Variants in PTP4A1 observed in about 807,000 individuals in gnomAD.
PTP4A1 encodes the protein protein tyrosine phosphatase type IVA 1.
Under a neutral mutation model 20.5 loss-of-function variants are expected in PTP4A1, and 9 were observed. The observed-to-expected ratio is 0.44, with a 90% CI of 0.26 to 0.77. The LOEUF is 0.77. Ranked by LOEUF, PTP4A1 falls within the 30% of genes least tolerant of loss-of-function variation. PTP4A1 has a pLI of 0.19. For missense variants in PTP4A1, 137 were observed against 218.8 expected, an observed-to-expected ratio of 0.63 and a Z score of 2.36; for synonymous variants, 78 against 67.4, an observed-to-expected ratio of 1.16 and a Z score of -0.77.
chr6:63,560,040 C>T lies in PTP4A1; in HGVS notation c.-446+9547C>T, dbSNP rs1253406072. ...ATGAAAGACTAAGGAAGGTACCCCA[C>T]GGTAATGCATTTCATAACATATCTA... On this transcript the variant is annotated intron_variant, in intron 3 of 3. Transcript: ENST00000639568. 5.3e-5 allele frequency among the ~76,000 whole-genome samples: 8 copies of T among 152,150 alleles called. 1 individual carries two copies. The South Asian group carries it at 1.0e-3, about 20-fold the overall frequency.
At chr6:63,537,413 C>A (rs772366517) in intron 2 of PTP4A1, among the ~76,000 whole-genome samples, 7 of 152,176 alleles carry the variant, frequency 4.6e-5, no homozygotes, top group Non-Finnish European at 1.0e-4. Flanking sequence ...GAGATTTCAA[C>A]ACCAATGCCC....
intron 2 of PTP4A1, among the ~76,000 whole-genome samples, chr6:63,578,211 A>T (rs1267240787): frequency 6.6e-6 from 1 of 152,236 alleles, no homozygotes; most frequent in Non-Finnish European, 1.5e-5. Flanking sequence ...TTTCCAGTTT[A>T]TTAAAAATAT....
intron 2 of PTP4A1, among the ~76,000 whole-genome samples, chr6:63,533,172 A>G (rs1407058796): frequency 2.0e-5 from 3 of 152,212 alleles, no homozygotes; most frequent in Non-Finnish European, 4.4e-5. Flanking sequence ...ACTTGAGGTC[A>G]CGAGTTCAAT....
upstream of PTP4A1, chr6:63,521,693 T>C (rs2149471195): frequency 6.6e-6 from 1 of 152,320 alleles, no homozygotes; most frequent in Non-Finnish European, 1.5e-5. Context: ...CTGCCTCCCC[T>C]ACAGTAACTC....
chr6:63,548,903 G>A (rs918330179), intron 2 of PTP4A1: 6 of 883,168 alleles, frequency 6.8e-6, no homozygotes, highest in Admixed American at 1.7e-5. Flanking sequence ...GTATGAAGGC[G>A]ACAGTGGTGC....
intron 1 of PTP4A1, among the ~76,000 whole-genome samples, chr6:63,525,357 G>A (rs918604534): frequency 6.6e-6 from 1 of 152,134 alleles, no homozygotes; most frequent in African/African-American, 2.4e-5. Flanking sequence ...TCTGCCAATG[G>A]GGGAGCTAGA....
At chr6:63,572,852 T>G in intron 1 of PTP4A1, 133 bp downstream of exon 1, 2 of 392,560 alleles carry the variant, frequency 5.1e-6, no homozygotes, top group Non-Finnish European at 4.5e-6. Flanking sequence ...GGGTCCCGGG[T>G]GGGAGCGGGC....
At chr6:63,548,995 C>CG (rs1581927088) in intron 2 of PTP4A1, 1 of 731,520 alleles carries the variant, frequency 1.4e-6, no homozygotes, top group East Asian at 2.5e-5. Context: ...TGACACAGGG[C>CG]AGGCAAGAAG....
intron 2 of PTP4A1, among the ~76,000 whole-genome samples, chr6:63,541,121 C>T (rs1460931997): frequency 6.6e-6 from 1 of 152,150 alleles, no homozygotes; most frequent in Admixed American, 6.6e-5. Context: ...GTATAATTAA[C>T]TCAACCTGAG....
At chr6:63,517,231 C>A (rs1007115868), upstream of PTP4A1, among the ~76,000 whole-genome samples, 23 of 152,120 alleles carry the variant, frequency 1.5e-4, no homozygotes, top group African/African-American at 5.5e-4. Context: ...CCTTTCAGAC[C>A]AGTGGCATTA....
chr6:63,559,836 A>G (rs1156366786), intron 3 of PTP4A1, among the ~76,000 whole-genome samples: 3 of 152,122 alleles, frequency 2.0e-5, no homozygotes, highest in African/African-American at 4.8e-5. Context: ...AGGTTTGCCC[A>G]GGCTGGTTTC....
At chr6:63,535,014 C>T (rs942821136) in intron 2 of PTP4A1, among the ~76,000 whole-genome samples, 1 of 151,646 alleles carries the variant, frequency 6.6e-6, no homozygotes, top group Admixed American at 6.6e-5. Context: ...GAGCCAAGAT[C>T]GCATCATTGC....
chr6:63,567,660 C>T (rs1777247490), upstream of PTP4A1, among the ~76,000 whole-genome samples: 1 of 152,166 alleles, frequency 6.6e-6, no homozygotes. Context: ...CTTAAAGTCA[C>T]CAGCCACATC....
chr6:63,551,237 T>A (rs1776427378), intron 3 of PTP4A1, among the ~76,000 whole-genome samples: 1 of 151,936 alleles, frequency 6.6e-6, no homozygotes, highest in African/African-American at 2.4e-5. Flanking sequence ...GGCTAGTTTT[T>A]GTATTTTTAG....
At chr6:63,537,936 G>T (rs1775793351) in intron 2 of PTP4A1, among the ~76,000 whole-genome samples, 1 of 152,180 alleles carries the variant, frequency 6.6e-6, no homozygotes, top group Non-Finnish European at 1.5e-5. Flanking sequence ...GAGTTTAAAA[G>T]AACAGAAAAG....
At chr6:63,575,191 A>G (rs1251788140) in intron 1 of PTP4A1, among the ~76,000 whole-genome samples, 1 of 152,226 alleles carries the variant, frequency 6.6e-6, no homozygotes, top group Non-Finnish European at 1.5e-5. Context: ...TTTAATTTTA[A>G]GACTTCAAAT....
At chr6:63,562,292 C>T (rs571564409) in intron 3 of PTP4A1, among the ~76,000 whole-genome samples, 14 of 151,634 alleles carry the variant, frequency 9.2e-5, no homozygotes, top group African/African-American at 2.7e-4. Flanking sequence ...CTTCGCCTCC[C>T]GGGTTCAAGT....
chr6:63,564,000 A>C (rs1433846351), intron 3 of PTP4A1, among the ~76,000 whole-genome samples: 1 of 152,046 alleles, frequency 6.6e-6, no homozygotes. Flanking sequence ...AACTATATTT[A>C]ATGGTGGCTC....
intron 2 of PTP4A1, among the ~76,000 whole-genome samples, chr6:63,538,678 G>T (rs889151145): frequency 6.6e-6 from 1 of 152,116 alleles, no homozygotes; most frequent in East Asian, 1.9e-4. Flanking sequence ...ATGAAAATGT[G>T]CTTTAGTTTT....
Sources: allele counts gnomAD v4.1 joint callset (sites outside exome capture counted in the v4.1 genomes callset), GRCh38; gene constraint gnomAD v4.1.1; transcripts MANE v1.5; gene names NCBI Gene and HGNC (gene_info 2026-07-23, HGNC 2026-07-21).